GTF2IRD1: variants seen among roughly 807,000 people sequenced by gnomAD.
The protein encoded by GTF2IRD1 is GTF2I repeat domain containing 1, also known as general transcription factor II-I repeat domain-containing protein 1.
In GTF2IRD1, 26 loss-of-function variants were observed where a neutral mutation model predicts 113.2. That is an observed-to-expected ratio of 0.23 (90% CI 0.17 to 0.32). The LOEUF (loss-of-function observed/expected upper bound fraction) is 0.32, where lower values mean the gene tolerates loss of function less well. GTF2IRD1 is among the 10% of genes least tolerant of loss of function. The pLI, the probability that GTF2IRD1 is intolerant of heterozygous loss-of-function variation, is 1.00. For missense variants in GTF2IRD1, 864 were observed against 1,280.8 expected, an observed-to-expected ratio of 0.67 and a Z score of 4.97; for synonymous variants, 484 against 529.1, an observed-to-expected ratio of 0.91 and a Z score of 1.17.
At chr7:74,522,877 A>T (rs1554346308) in intron 7 of GTF2IRD1, among the ~76,000 whole-genome samples, 4 of 152,254 alleles carry the variant, frequency 2.6e-5, no homozygotes, top group Non-Finnish European at 1.5e-5. Context: ...TAAGCACTTA[A>T]CAAGTTAAAG....
At chr7:74,553,661 C>T (rs191762373) in intron 17 of GTF2IRD1, among the ~76,000 whole-genome samples, 178 of 152,206 alleles carry the variant, frequency 1.2e-3, no homozygotes, top group Non-Finnish European at 1.8e-3. Flanking sequence ...GTGCAGTGGC[C>T]GACGGGAGAG....
rs2116811480 is a variant in GTF2IRD1 at position 74,454,027 on chromosome 7, C to T, written c.-156C>T. On this transcript the variant is annotated 5_prime_UTR_variant, in exon 1 of 27. Transcript: ENST00000424337. ...CGCCCCCTCCCCGCGCCTCCCTCCC[C>T]GCCCTCGCCGCGCCGCCGTCCTCGC... The T allele has an allele frequency of 6.7e-6, 1 of 149,774 alleles. No homozygotes were observed. The highest frequency in any genetic ancestry group is 2.0e-4 in the East Asian group (1 of 5,056). The allele number at this position is 149,774 out of a possible 1,614,324, so 9.3% of individuals were successfully genotyped here. A position where few individuals can be genotyped will look rare whatever the true frequency, so the allele number is the denominator to read the frequency against.
intron 22 of GTF2IRD1, among the ~76,000 whole-genome samples, chr7:74,566,624 G>A (rs1255376428): frequency 6.6e-6 from 1 of 152,166 alleles, no homozygotes; most frequent in East Asian, 1.9e-4. Flanking sequence ...TTACAGGTGT[G>A]AGCCACCATG....
intron 25 of GTF2IRD1, among the ~76,000 whole-genome samples, chr7:74,600,463 C>A (rs190890698): frequency 5.9e-5 from 9 of 152,190 alleles, no homozygotes; most frequent in African/African-American, 1.9e-4. Context: ...AATCCCAGCA[C>A]TTTGGGAGGC....
chr7:74,597,269 C>G (rs587607097), intron 25 of GTF2IRD1, among the ~76,000 whole-genome samples: 2 of 151,830 alleles, frequency 1.3e-5, no homozygotes, highest in Non-Finnish European at 2.9e-5. Flanking sequence ...GTCTCGAACT[C>G]CTGACCTCAT....
At chr7:74,494,965 G>A (rs1795572818) in intron 1 of GTF2IRD1, among the ~76,000 whole-genome samples, 1 of 152,144 alleles carries the variant, frequency 6.6e-6, no homozygotes, top group Non-Finnish European at 1.5e-5. Context: ...ATGTTACCCA[G>A]TCTGGTCTTG....
At chr7:74,470,857 G>A (rs952857869) in intron 1 of GTF2IRD1, among the ~76,000 whole-genome samples, 1 of 152,126 alleles carries the variant, frequency 6.6e-6, no homozygotes, top group Non-Finnish European at 1.5e-5. Flanking sequence ...AGGCTGGAGT[G>A]CAATGGCGTG....
At chr7:74,504,201 A>G (rs1796179064) in intron 1 of GTF2IRD1, among the ~76,000 whole-genome samples, 1 of 152,106 alleles carries the variant, frequency 6.6e-6, no homozygotes, top group Non-Finnish European at 1.5e-5. Flanking sequence ...GCTATTGTGA[A>G]TACTGCTGCT....
chr7:74,489,699 C>A (rs897416096), intron 1 of GTF2IRD1, among the ~76,000 whole-genome samples: 6 of 152,140 alleles, frequency 3.9e-5, no homozygotes, highest in African/African-American at 1.4e-4. Context: ...CCTCATGTCT[C>A]AGTGGCCAGA....
At chr7:74,539,618 C>T (rs1319827724) in intron 13 of GTF2IRD1, among the ~76,000 whole-genome samples, 1 of 152,112 alleles carries the variant, frequency 6.6e-6, no homozygotes, top group Non-Finnish European at 1.5e-5. Context: ...GTGGCTCACG[C>T]CTGTAGTCCC....
Position 74,538,778 on chromosome 7 carries a change from G to T in GTF2IRD1, c.1528+18G>T, listed in dbSNP as rs371631175. 5.1e-5 allele frequency: 69 copies of T among 1,346,108 alleles called. No individual in the cohort carries two copies. The highest frequency in any genetic ancestry group is 6.7e-5 in the Non-Finnish European group (63 of 935,816). The allele number at this position is 1,346,108 out of a possible 1,614,324, so 83.4% of individuals were successfully genotyped here. ...CGTCCCAGGTAAGGGACGGGCATCT[G>T]ACCACCCCCTGCAGAAATCAGGGCC... On this transcript the variant is annotated intron_variant, in intron 13 of 26. Coordinates refer to ENST00000424337, the MANE Select transcript of GTF2IRD1 (RefSeq NM_005685.4).
chr7:74,504,678 G>A (rs1289932302), intron 1 of GTF2IRD1, among the ~76,000 whole-genome samples: 4 of 151,456 alleles, frequency 2.6e-5, no homozygotes, highest in Non-Finnish European at 4.4e-5. Context: ...TAGCTCATGC[G>A]GGCCAATGCT....
intron 22 of GTF2IRD1, among the ~76,000 whole-genome samples, chr7:74,583,652 C>G (rs1343951739): frequency 1.3e-5 from 2 of 152,062 alleles, no homozygotes. Flanking sequence ...CGCCTGGGAC[C>G]TGTGCCCCAT....
Position 74,562,982 on chromosome 7 carries a change from C to T in GTF2IRD1, c.2320+3327C>T, listed in dbSNP as rs184606931. ...TTTATTTTTCTAAAATTGAACTGGA[C>T]TCCTACCAAAAGCCCCCAATGCAGA... is the stretch of plus-strand genomic sequence containing the variant. On this transcript the variant is annotated intron_variant, in intron 22 of 26. Coordinates refer to ENST00000424337, the MANE Select transcript of GTF2IRD1 (RefSeq NM_005685.4). Among the ~76,000 whole-genome samples, 1,185 of 152,276 alleles carry T rather than the reference C, an allele frequency of 7.8e-3. 9 individuals carry two copies. Among genetic ancestry groups the T allele is most frequent in the Middle Eastern group, 0.02 (6 of 294 alleles).
intron 1 of GTF2IRD1, among the ~76,000 whole-genome samples, chr7:74,455,024 G>T (rs1175787606): frequency 6.6e-6 from 1 of 152,174 alleles, no homozygotes; most frequent in East Asian, 1.9e-4. Flanking sequence ...AGGGAAGGGG[G>T]CCGCTGTGCC....
intron 2 of GTF2IRD1, among the ~76,000 whole-genome samples, chr7:74,508,688 CT>C (rs1169262170): frequency 2.7e-4 from 31 of 115,254 alleles, no homozygotes; most frequent in African/African-American, 1.3e-3. Context: ...AAGACTCCGT[CT>C]TAAAAAAAAA....
chr7:74,586,866 C>T (rs1231567434), intron 22 of GTF2IRD1, among the ~76,000 whole-genome samples: 4 of 152,182 alleles, frequency 2.6e-5, no homozygotes, highest in African/African-American at 9.6e-5. Context: ...TTAAAAGAGC[C>T]AGACACAGTG....
intron 22 of GTF2IRD1, among the ~76,000 whole-genome samples, chr7:74,561,363 AAAG>A (rs201103108): frequency 0.1 from 15,359 of 147,470 alleles, 1,443 homozygotes; most frequent in East Asian, 0.33. Context: ...AAAAAAAAAA[AAAG>A]AACTTAGGGT....
At chr7:74,535,693 G>A (rs1554350041) in intron 10 of GTF2IRD1, among the ~76,000 whole-genome samples, 1 of 152,108 alleles carries the variant, frequency 6.6e-6, no homozygotes, top group South Asian at 2.1e-4. Context: ...TTCCGGTCCC[G>A]CCTCCCACCA....
Sources: allele counts gnomAD v4.1 joint callset (sites outside exome capture counted in the v4.1 genomes callset), GRCh38; gene constraint gnomAD v4.1.1; transcripts MANE v1.5; gene names NCBI Gene and HGNC (gene_info 2026-07-23, HGNC 2026-07-21).